The following CAMK2G variants were observed in gnomAD, a reference collection of about 807,000 sequenced individuals.
CAMK2G encodes calcium/calmodulin dependent protein kinase II gamma.
In CAMK2G, 23 loss-of-function variants were observed where a neutral mutation model predicts 88.7. The ratio of observed to expected loss-of-function variants is 0.26; its 90% confidence interval spans 0.19 to 0.37. The LOEUF (loss-of-function observed/expected upper bound fraction) is 0.37. Among genes scored for constraint, CAMK2G ranks in the 10% least tolerant of loss-of-function variants. The pLI, the probability that CAMK2G is intolerant of heterozygous loss-of-function variation, is 1.00. For synonymous variants in CAMK2G, 263 were observed against 294.8 expected (o/e 0.89, Z 1.11); for missense variants, 476 against 780.8 (o/e 0.61, Z 4.65).
intron 17 of CAMK2G, among the ~76,000 whole-genome samples, chr10:73,822,398 C>A (rs2089233030): frequency 6.6e-6 from 1 of 152,148 alleles, no homozygotes; most frequent in Non-Finnish European, 1.5e-5. Flanking sequence ...GAGCTCCTGA[C>A]CTTTGCTGAT....
At chr10:73,829,816 A>G (rs1004376265) in intron 14 of CAMK2G, among the ~76,000 whole-genome samples, 2 of 151,928 alleles carry the variant, frequency 1.3e-5, no homozygotes, top group African/African-American at 4.8e-5. Context: ...CAATTTCCAC[A>G]GTACCTAGCA....
chr10:73,823,099 T>C (rs1396622382), intron 17 of CAMK2G, among the ~76,000 whole-genome samples: 1 of 152,222 alleles, frequency 6.6e-6, no homozygotes, highest in Non-Finnish European at 1.5e-5. Flanking sequence ...TGACCTCAAG[T>C]GATCCGCCCG....
At position 73,817,129 on chromosome 10, in the gene CAMK2G, A is replaced by G. The variant is rs1282614876; in HGVS notation, c.1440-12T>C. The G allele has an allele frequency of 3.2e-6, 5 of 1,584,084 alleles. No individual in the cohort carries two copies. The highest frequency in any genetic ancestry group is 1.9e-5 in the Admixed American group (1 of 52,860). Reference sequence around the variant, plus strand: ...GATCACAAATCTTCCTACAGGGAGAAAAAAAAAAGCAGCCTATCAGGCTTC... The same window carrying G: ...GATCACAAATCTTCCTACAGGGAGAGAAAAAAAAGCAGCCTATCAGGCTTC... On this transcript the variant is annotated splice_polypyrimidine_tract_variant and intron_variant, in intron 20 of 22. Coordinates refer to ENST00000423381, the MANE Select transcript of CAMK2G (RefSeq NM_001367534.1).
Position 73,860,822 on chromosome 10 carries a change from G to T in CAMK2G, c.220+8C>A. The T allele has an allele frequency of 1.2e-6, 2 of 1,605,334 alleles. No homozygotes were observed. The highest frequency in any genetic ancestry group is 1.7e-6 in the Non-Finnish European group (2 of 1,172,148). On this transcript the variant is annotated splice_region_variant and intron_variant, in intron 3 of 22. Coordinates refer to ENST00000423381, the MANE Select transcript of CAMK2G (RefSeq NM_001367534.1). ...TACCCACAAAATGCTCCATGCCCAG[G>T]CACTCACCGATGTTTGGATGTTTCA...
chr10:73,842,411 G>T lies in CAMK2G; in HGVS notation c.903+47C>A. ...GAAATGGGGCAGGAGCCACACTGGT[G>T]CAAGGCATGATGTCAAGGAGGCTGG... On this transcript the variant is annotated intron_variant, in intron 11 of 22. Transcript: ENST00000423381. This position sits in a 1 kb window ranked among gnomAD's most constrained non-coding sequence, Gnocchi z 4.6. 3 of 1,408,986 alleles carry T rather than the reference G, an allele frequency of 2.1e-6. No individual in the cohort carries two copies. Among genetic ancestry groups the T allele is most frequent in the Non-Finnish European group, 3.0e-6 (3 of 992,712 alleles). 87.3% of individuals were successfully genotyped at this position (1,408,986 alleles called of 1,614,324 possible).
chr10:73,816,311 GC>G (rs2085474453), intron 21 of CAMK2G: 1 of 991,452 alleles, frequency 1.0e-6, no homozygotes, highest in Non-Finnish European at 1.2e-6. Context: ...CACCAACAGT[GC>G]CCTGGTTTGC....
rs866986379 is a variant in CAMK2G at position 73,862,306 on chromosome 10, C to G, written c.161-1417G>C. Among the ~76,000 whole-genome samples, 235 of 146,886 alleles carry G rather than the reference C, an allele frequency of 1.6e-3. 8 individuals carry two copies. The highest frequency in any genetic ancestry group is 0.011 in the South Asian group (50 of 4,372). On this transcript the variant is annotated intron_variant, in intron 2 of 22. Transcript: ENST00000423381. ...TTCTCCCTCCTACTCCACCCCCCCCCCCCCCGATTTCCCAATGCACTTCTC... is the reference window on the plus strand; with the variant it reads ...TTCTCCCTCCTACTCCACCCCCCCCGCCCCCGATTTCCCAATGCACTTCTC...
At chr10:73,816,922 TA>T in intron 21 of CAMK2G, 100 bp downstream of exon 21, 1 of 1,611,374 alleles carries the variant, frequency 6.2e-7, no homozygotes, top group South Asian at 1.1e-5. Context: ...GAAGGTCAAA[TA>T]AGGGAAAAGT....
At chr10:73,834,996 T>C (rs1190303581) in intron 14 of CAMK2G, among the ~76,000 whole-genome samples, 1 of 147,140 alleles carries the variant, frequency 6.8e-6, no homozygotes, top group Non-Finnish European at 1.5e-5. Flanking sequence ...TGTTTCAACC[T>C]CGTGTATCTT....
At position 73,839,049 on chromosome 10, in the gene CAMK2G, T is replaced by A. The variant is rs536930056; in HGVS notation, c.1009+490A>T. Among the ~76,000 whole-genome samples the A allele has an allele frequency of 1.3e-5, 2 of 152,254 alleles. No individual in the cohort carries two copies. The highest frequency in any genetic ancestry group is 4.1e-4 in the South Asian group (2 of 4,830). ...CGCTCAGGGTGTGGCAGGGCTAGGA[T>A]GTGAACCCAGAAACAGCTGGCTCTG... On this transcript the variant is annotated intron_variant, in intron 13 of 22. Transcript: ENST00000423381. The surrounding 1 kb of genome is among the most constrained non-coding windows in gnomAD (Gnocchi z 4.2).
At chr10:73,833,172 AG>A (rs1234590755) in intron 14 of CAMK2G, among the ~76,000 whole-genome samples, 1 of 149,896 alleles carries the variant, frequency 6.7e-6, no homozygotes, top group African/African-American at 2.5e-5. Context: ...TACGTTTCCC[AG>A]GCTGGTCTCA....
At chr10:73,820,466 A>T (rs1361427142) in intron 18 of CAMK2G, among the ~76,000 whole-genome samples, 12 of 53,580 alleles carry the variant, frequency 2.2e-4, no homozygotes, top group Admixed American at 1.0e-3. Flanking sequence ...TTTTATATTT[A>T]TATATATATA....
intron 2 of CAMK2G, among the ~76,000 whole-genome samples, chr10:73,868,216 G>T (rs771085381): frequency 4.1e-4 from 62 of 152,128 alleles, no homozygotes; most frequent in Non-Finnish European, 7.4e-5. Flanking sequence ...TCACCTCTAG[G>T]GTTTCAGCAC....
chr10:73,832,495 CG>C (rs2092611171), intron 14 of CAMK2G, among the ~76,000 whole-genome samples: 1 of 151,816 alleles, frequency 6.6e-6, no homozygotes, highest in Non-Finnish European at 1.5e-5. Flanking sequence ...TTAGTAAAGA[CG>C]GGGTTTCACC....
At chr10:73,872,909 C>G (rs1202317791) in intron 2 of CAMK2G, 80 bp downstream of exon 2, 2 of 916,920 alleles carry the variant, frequency 2.2e-6, no homozygotes, top group Non-Finnish European at 3.7e-6. Flanking sequence ...CGCACAACCC[C>G]CAATTCCTGG....
intron 2 of CAMK2G, among the ~76,000 whole-genome samples, 187 bp downstream of exon 2, chr10:73,872,802 T>C (rs1485609611): frequency 6.6e-6 from 1 of 152,202 alleles, no homozygotes; most frequent in African/African-American, 2.4e-5. Flanking sequence ...CTTTTGTACC[T>C]GGGCGCTTCC....
chr10:73,871,972 T>C (rs2095848179), intron 2 of CAMK2G, among the ~76,000 whole-genome samples: 1 of 152,128 alleles, frequency 6.6e-6, no homozygotes. Flanking sequence ...GCCCATGTCT[T>C]CCCCAGGGCA....
At chr10:73,825,192 G>A (rs1203799926) in intron 16 of CAMK2G, 87 bp downstream of exon 16, 1 of 930,136 alleles carries the variant, frequency 1.1e-6, no homozygotes, top group South Asian at 1.3e-5. Flanking sequence ...CAGGCCAGGA[G>A]GCCAGGGAGG....
Position 73,874,440 on chromosome 10 carries a change from TG to T in CAMK2G, c.21del (p.Cys7Ter). On this transcript the variant is annotated frameshift_variant, in exon 1 of 23. Coordinates refer to ENST00000423381, the MANE Select transcript of CAMK2G (RefSeq NM_001367534.1). LOFTEE classifies it high-confidence loss of function. ...AGCTGGTAGTCGTCGGTGAAACGGG[TG>T]CAGGTGGCGGTGGTGGCCATGCTGG... is the stretch of plus-strand genomic sequence containing the variant. MATTAT[C>X]TRFTDDYQLF... 6.6e-7 allele frequency: 1 copy of T among 1,521,190 alleles called. No individual in the cohort carries two copies. Among genetic ancestry groups the T allele is most frequent in the Non-Finnish European group, 8.9e-7 (1 of 1,125,808 alleles). 94.2% of individuals were successfully genotyped at this position (1,521,190 alleles called of 1,614,324 possible).
Sources: allele counts gnomAD v4.1 joint callset (sites outside exome capture counted in the v4.1 genomes callset), GRCh38; gene constraint gnomAD v4.1.1; non-coding constraint Gnocchi (gnomAD v3.1); transcripts MANE v1.5; gene names NCBI Gene and HGNC (gene_info 2026-07-23, HGNC 2026-07-21).